MAP3K10: variants seen among roughly 807,000 people sequenced by gnomAD.
MAP3K10 encodes MKN28 derived nonreceptor_type serine/threonine kinase.
MAP3K10 carries 22 observed loss-of-function variants against 75.0 expected under a neutral mutation model. The ratio of observed to expected loss-of-function variants is 0.29; its 90% CI spans 0.21 to 0.42. The LOEUF is 0.42. MAP3K10 is among the 10% of genes least tolerant of loss of function. MAP3K10 has a pLI of 1.00. For synonymous variants in MAP3K10, 599 were observed against 612.9 expected (o/e 0.98, Z 0.34); for missense variants, 1,165 against 1,379.8 (o/e 0.84, Z 2.47).
Position 40,213,210 on chromosome 19 carries a change from A to G in MAP3K10, c.1837+22A>G. ...ATGGGTAAGAGCCTGGGTTCTTGTA[A>G]GGGGGTGGGGGTTCCCTGGCCAAAG... On this transcript the variant is annotated intron_variant, in intron 8 of 9. Coordinates refer to ENST00000253055, the MANE Select transcript of MAP3K10 (RefSeq NM_002446.4). This position sits in a 1 kb window ranked among gnomAD's most constrained non-coding sequence, Gnocchi z 5.7. 6.5e-7 allele frequency: 1 copy of G among 1,545,794 alleles called. No homozygotes were observed.
rs1973107442 is a variant in MAP3K10 at position 40,205,719 on chromosome 19, C to G, written c.1189-192C>G. On this transcript the variant is annotated intron_variant, in intron 4 of 9. Coordinates refer to ENST00000253055, the MANE Select transcript of MAP3K10 (RefSeq NM_002446.4). The surrounding 1 kb of genome is among the most constrained non-coding windows in gnomAD (Gnocchi z 4.3). ...AAAAAGAAAGAAAAAGCACCCCTTT[C>G]TTTGAGCTAACACAGTTCCCTGCCC... 1.8e-6 allele frequency: 1 copy of G among 565,366 alleles called. No individual in the cohort carries two copies. The highest frequency in any genetic ancestry group is 3.6e-5 in the Admixed American group (1 of 27,854). The allele number at this position is 565,366 out of a possible 1,614,324, so 35.0% of individuals were successfully genotyped here.
Position 40,205,408 on chromosome 19 carries a change from C to T in MAP3K10, c.1188+112C>T. On this transcript the variant is annotated intron_variant, in intron 4 of 9. Coordinates refer to ENST00000253055, the MANE Select transcript of MAP3K10 (RefSeq NM_002446.4). This position sits in a 1 kb window ranked among gnomAD's most constrained non-coding sequence, Gnocchi z 4.3. Reference sequence around the variant, plus strand: ...CCCAGCCTTTGGGTCCATGCAGGGTCAAGGGAGCCTTTTTTGCATATTAAG... The same window carrying T: ...CCCAGCCTTTGGGTCCATGCAGGGTTAAGGGAGCCTTTTTTGCATATTAAG... 6 of 1,150,408 alleles carry T rather than the reference C, an allele frequency of 5.2e-6. No individual in the cohort carries two copies. The highest frequency in any genetic ancestry group is 7.3e-6 in the Non-Finnish European group (6 of 817,164). 71.3% of individuals were successfully genotyped at this position (1,150,408 alleles called of 1,614,324 possible). A position where few individuals can be genotyped will look rare whatever the true frequency, so the allele number is the denominator to read the frequency against.
chr19:40,213,435 C>A lies in MAP3K10; in HGVS notation c.1838-82C>A. 1 of 1,552,758 alleles carries A rather than the reference C, an allele frequency of 6.4e-7. No individual in the cohort carries two copies. Among genetic ancestry groups the A allele is most frequent in the African/African-American group, 1.4e-5 (1 of 73,468 alleles). ...GTCTTGGTCTTGCTGTTGGAGGGGTCATCGGGGGCTGTCCCTTGGCACAAG... is the reference window on the plus strand; with the variant it reads ...GTCTTGGTCTTGCTGTTGGAGGGGTAATCGGGGGCTGTCCCTTGGCACAAG... On this transcript the variant is annotated intron_variant, in intron 8 of 9. Coordinates refer to ENST00000253055, the MANE Select transcript of MAP3K10 (RefSeq NM_002446.4). The surrounding 1 kb of genome is among the most constrained non-coding windows in gnomAD (Gnocchi z 5.7).
At position 40,213,473 on chromosome 19, in the gene MAP3K10, C is replaced by A; in HGVS notation, c.1838-44C>A. 6.3e-7 allele frequency: 1 copy of A among 1,599,918 alleles called. No individual in the cohort carries two copies. The highest frequency in any genetic ancestry group is 8.5e-7 in the Non-Finnish European group (1 of 1,176,460). On this transcript the variant is annotated intron_variant, in intron 8 of 9. Coordinates refer to ENST00000253055, the MANE Select transcript of MAP3K10 (RefSeq NM_002446.4). This position sits in a 1 kb window ranked among gnomAD's most constrained non-coding sequence, Gnocchi z 5.7. ...CCCTTGGCACAAGTCCCCGTGGGGC[C>A]CTGGCCAGCCCTGCAGCGGAGTGAT...
intron 1 of MAP3K10, among the ~76,000 whole-genome samples, chr19:40,195,471 CTTTTTTTTTTTTTTTTT>C (rs61289931): frequency 6.0e-4 from 29 of 48,654 alleles, no homozygotes; most frequent in East Asian, 1.4e-3. Context: ...CCCGCCCGGC[CTTTTTTTTTTTTTTTTT>C]TTTTTTTTTT....
rs1446134326 is a variant in MAP3K10 at position 40,214,163 on chromosome 19, G to A, written c.2484G>A (p.Thr828=). ...ACAVSRGHRR[T]PSDGALGQRG... ...CTGTGAGCCGCGGGCACCGGCGGAC[G>A]CCATCGGACGGGGCGCTGGGGCAGC... The change falls in exon 9 of 10, where the codon ACG becomes ACA. Residue 828 remains threonine (T), a synonymous_variant. Coordinates refer to ENST00000253055, the MANE Select transcript of MAP3K10 (RefSeq NM_002446.4). 2.6e-6 allele frequency: 4 copies of A among 1,520,400 alleles called. No homozygotes were observed. The African/African-American group carries it at 4.2e-5, about 16-fold the overall frequency. The allele number at this position is 1,520,400 out of a possible 1,614,324, so 94.2% of individuals were successfully genotyped here.
rs757199734 is a variant in MAP3K10 at position 40,201,794 on chromosome 19, CTT to C, written c.864-2671_864-2670del. Among the ~76,000 whole-genome samples the C allele has an allele frequency of 3.1e-3, 379 of 123,374 alleles. 2 individuals carry two copies. Among genetic ancestry groups the C allele is most frequent in the African/African-American group, 9.8e-3 (320 of 32,488 alleles). The allele number at this position is 123,374 out of a possible 152,430, so 80.9% of individuals were successfully genotyped here. On this transcript the variant is annotated intron_variant, in intron 2 of 9. Coordinates refer to ENST00000253055, the MANE Select transcript of MAP3K10 (RefSeq NM_002446.4). ...CACTGTGCCTAGCTCCACACGCCAG[CTT>C]TTTTTTTTTTTTTTTTTTTAATTTT... is the stretch of plus-strand genomic sequence containing the variant.
In MAP3K10 at chr19:40,204,548, G is replaced by A. The variant is rs1397444123; in HGVS notation, c.927G>A (p.Leu309=). ...TCCCCTACCGTGAGATCGACGCCTT[G>A]GCCGTGGCGTATGGCGTGGCTATGA... The part of the protein sequence containing the change: ...GEVPYREIDA[L]AVAYGVAMNK... Residue 309 remains leucine (L), a synonymous_variant, in exon 3 of 10, where the codon TTG becomes TTA. Transcript: ENST00000253055. This position sits in a 1 kb window ranked among gnomAD's most constrained non-coding sequence, Gnocchi z 4.3. 3.1e-6 allele frequency: 5 copies of A among 1,614,016 alleles called. No homozygotes were observed. The highest frequency in any genetic ancestry group is 4.2e-6 in the Non-Finnish European group (5 of 1,179,982).
chr19:40,208,023 T>TG (rs1973155240), intron 5 of MAP3K10, among the ~76,000 whole-genome samples: 1 of 151,702 alleles, frequency 6.6e-6, no homozygotes, highest in Non-Finnish European at 1.5e-5. Flanking sequence ...CTACTGTACC[T>TG]GACCCATCAA....
intron 2 of MAP3K10, among the ~76,000 whole-genome samples, chr19:40,200,058 G>A (rs1568488526): frequency 1.3e-5 from 2 of 152,166 alleles, no homozygotes; most frequent in South Asian, 2.1e-4. Flanking sequence ...ACTTTGGGAG[G>A]CCGAGGTGGG....
At position 40,212,782 on chromosome 19, in the gene MAP3K10, C is replaced by G. The variant is rs376108994; in HGVS notation, c.1553-23C>G. ...TGGGGACAGATCCTCCACCCAGTAA[C>G]CAAGTGGCTTCTCTGGACCCAGTGA... On this transcript the variant is annotated intron_variant, in intron 6 of 9. Transcript: ENST00000253055. The surrounding 1 kb of genome is among the most constrained non-coding windows in gnomAD (Gnocchi z 4.2). 1.2e-5 allele frequency: 19 copies of G among 1,572,750 alleles called. No homozygotes were observed. In the African/African-American group the frequency reaches 2.3e-4, roughly 19 times the overall value.
In MAP3K10 at chr19:40,212,826, G is replaced by T; in HGVS notation, c.1574G>T (p.Gly525Val). 6.3e-7 allele frequency: 1 copy of T among 1,596,850 alleles called. No homozygotes were observed. Among genetic ancestry groups the T allele is most frequent in the South Asian group, 1.1e-5 (1 of 89,172 alleles). The change falls in exon 7 of 10, where the codon GGC (glycine) becomes GTC (valine). Residue 525 changes from glycine to valine, a missense_variant. By Grantham distance (109) the Gly-to-Val change is moderately radical (BLOSUM62 -3). This residue lies in a region of MAP3K10 where 575 missense variants were observed against 793.2 expected (regional missense o/e 0.72). Transcript: ENST00000253055. This position sits in a 1 kb window ranked among gnomAD's most constrained non-coding sequence, Gnocchi z 4.2. ...CCAGTGACTCCCGTGGACTGTGGTGGCAGCAGCAGTGGCAGCAGCAGTGGA... is the reference window on the plus strand; with the variant it reads ...CCAGTGACTCCCGTGGACTGTGGTGTCAGCAGCAGTGGCAGCAGCAGTGGA... ...AIRLTPVDCG[G>V]SSSGSSSGGS... is the part of the protein sequence containing the mutation.
chr19:40,196,794 C>T (rs2145070860), intron 1 of MAP3K10, among the ~76,000 whole-genome samples: 1 of 152,296 alleles, frequency 6.6e-6, no homozygotes, highest in South Asian at 2.1e-4. Flanking sequence ...GCTGGGATTA[C>T]AGGCATGAGC....
rs776949096 is a variant in MAP3K10 at position 40,214,148 on chromosome 19, C to T, written c.2469C>T (p.Arg823=). 2.0e-6 allele frequency: 3 copies of T among 1,535,758 alleles called. No individual in the cohort carries two copies. Among genetic ancestry groups the T allele is most frequent in the Non-Finnish European group, 2.6e-6 (3 of 1,150,088 alleles). Residue 823 remains arginine (R), a synonymous_variant, in exon 9 of 10, where the codon CGC becomes CGT. Coordinates refer to ENST00000253055, the MANE Select transcript of MAP3K10 (RefSeq NM_002446.4). ...THVTAACAVS[R]GHRRTPSDGA... Reference sequence around the variant, plus strand: ...TCACGGCTGCATGCGCTGTGAGCCGCGGGCACCGGCGGACGCCATCGGACG... The same window carrying T: ...TCACGGCTGCATGCGCTGTGAGCCGTGGGCACCGGCGGACGCCATCGGACG...
At position 40,205,139 on chromosome 19, in the gene MAP3K10, C is replaced by T. The variant is rs763931871; in HGVS notation, c.1031C>T (p.Pro344Leu). The change falls in exon 4 of 10, where the codon CCC becomes CTC. Residue 344 changes from proline (P) to leucine (L), a missense_variant. Pro to Leu is a moderately conservative substitution (Grantham distance 98, BLOSUM62 -3). Around this residue, in one of 2 missense-constraint regions of MAP3K10, gnomAD observed 575 missense variants for 793.2 expected, o/e 0.72. Coordinates refer to ENST00000253055, the MANE Select transcript of MAP3K10 (RefSeq NM_002446.4). This position sits in a 1 kb window ranked among gnomAD's most constrained non-coding sequence, Gnocchi z 4.3. ...RLLEECWDPD[P>L]HGRPDFGSIL... ...ACCCCAGAATGCTGGGACCCAGACC[C>T]CCACGGGCGGCCAGATTTCGGTAGC... The T allele has an allele frequency of 5.6e-6, 9 of 1,613,316 alleles. 1 individual carries two copies. In the African/African-American group the frequency reaches 8.0e-5, roughly 14 times the overall value.
At position 40,204,214 on chromosome 19, in the gene MAP3K10, A is replaced by G. The variant is rs1233074948; in HGVS notation, c.864-271A>G. Among the ~76,000 whole-genome samples the G allele has an allele frequency of 2.6e-5, 4 of 152,130 alleles. No homozygotes were observed. Among genetic ancestry groups the G allele is most frequent in the Non-Finnish European group, 5.9e-5 (4 of 68,032 alleles). ...CTCTACAAAAATAAAAATAAGAAAG[A>G]TGGATTTGGCCAGTAGGAACACGGG... On this transcript the variant is annotated intron_variant, in intron 2 of 9. Transcript: ENST00000253055. The surrounding 1 kb of genome is among the most constrained non-coding windows in gnomAD (Gnocchi z 4.3).
rs1973324233 is a variant in MAP3K10 at position 40,214,998 on chromosome 19, C to A, written c.2571C>A (p.Arg857=). 1.3e-6 allele frequency: 2 copies of A among 1,589,456 alleles called. No homozygotes were observed. Among genetic ancestry groups the A allele is most frequent in the Non-Finnish European group, 8.6e-7 (1 of 1,164,892 alleles). Residue 857 remains arginine, a synonymous_variant, in exon 10 of 10, where the codon CGC becomes CGA. Coordinates refer to ENST00000253055, the MANE Select transcript of MAP3K10 (RefSeq NM_002446.4). ...PGPRDLLDFP[R]LPDPQALFPA... ...CTCGTGACCTTCTGGACTTCCCCCG[C>A]CTGCCCGACCCCCAGGCCCTGTTCC...
chr19:40,208,366 T>TTTTTC (rs1408319138), intron 5 of MAP3K10, among the ~76,000 whole-genome samples: 1 of 131,482 alleles, frequency 7.6e-6, no homozygotes, highest in African/African-American at 2.8e-5. Flanking sequence ...TTTTTTTTTT[T>TTTTTC]TTTGTATTTT....
intron 2 of MAP3K10, among the ~76,000 whole-genome samples, chr19:40,199,167 C>T: frequency 6.6e-6 from 1 of 152,192 alleles, no homozygotes; most frequent in East Asian, 1.9e-4. Context: ...ATCTGTCAGA[C>T]AGGAAAATGA....
Sources: gnomAD v4.1 joint callset for allele counts (sites outside exome capture counted in the v4.1 genomes callset) on GRCh38, gnomAD v4.1.1 for gene constraint, gnomAD v4.1.1 regional missense constraint, Gnocchi (gnomAD v3.1) non-coding constraint, MANE v1.5 for transcripts, NCBI Gene and HGNC (gene_info 2026-07-23, HGNC 2026-07-21) for gene names.